The following LMNTD1 variants were observed in gnomAD, a reference collection of about 807,000 sequenced individuals.
LMNTD1 encodes the protein lamin tail domain-containing protein 1.
Under a neutral mutation model 50.9 loss-of-function variants are expected in LMNTD1, and 35 were observed. That is an observed-to-expected ratio of 0.69 (90% CI 0.53 to 0.91). The LOEUF (loss-of-function observed/expected upper bound fraction) is 0.91. Among genes scored for constraint, LMNTD1 ranks in the 40% least tolerant of loss-of-function variants. The probability of loss-of-function intolerance (pLI) is 0.00; values close to 1 mark genes in which losing one functional copy is unlikely to be tolerated. For missense variants in LMNTD1, 470 were observed against 475.5 expected (o/e 0.99, Z 0.11); for synonymous variants, 153 against 161.9 (o/e 0.94, Z 0.42).
intron 9 of LMNTD1, among the ~76,000 whole-genome samples, chr12:25,477,390 T>C (rs751758755): frequency 5.9e-5 from 9 of 151,396 alleles, no homozygotes; most frequent in Non-Finnish European, 1.3e-4. Flanking sequence ...CTAGTGGGGA[T>C]TGGTGGGGAT....
intron 1 of LMNTD1, among the ~76,000 whole-genome samples, chr12:25,615,425 A>G (rs1256060276): frequency 6.6e-6 from 1 of 152,156 alleles, no homozygotes; most frequent in African/African-American, 2.4e-5. Flanking sequence ...GAAGAGAGCC[A>G]TATAGCAGAA....
intron 1 of LMNTD1, among the ~76,000 whole-genome samples, chr12:25,570,766 G>T (rs1944756385): frequency 6.6e-6 from 1 of 152,298 alleles, no homozygotes. Flanking sequence ...GATACTAAAA[G>T]AAACTTTTGC....
intron 1 of LMNTD1, chr12:25,586,040 G>A (rs1346215883): frequency 6.6e-6 from 1 of 152,214 alleles, no homozygotes; most frequent in Admixed American, 6.5e-5. Context: ...AAAAGGCCCA[G>A]TGTTCTATGT....
chr12:25,563,613 G>T (rs1423285761), intron 1 of LMNTD1, among the ~76,000 whole-genome samples: 2 of 152,242 alleles, frequency 1.3e-5, no homozygotes, highest in African/African-American at 4.8e-5. Context: ...TGAGGAGGGA[G>T]TCTGTCCGTT....
intron 8 of LMNTD1, among the ~76,000 whole-genome samples, chr12:25,513,270 A>G (rs2135995450): frequency 6.6e-6 from 1 of 152,368 alleles, no homozygotes; most frequent in Middle Eastern, 3.4e-3. Context: ...CCAATGCAAT[A>G]ATGCAAGAAC....
At position 25,511,723 on chromosome 12, in the gene LMNTD1, A is replaced by C. The variant is rs1040986830; in HGVS notation, c.1189+7072T>G. Reference sequence around the variant, plus strand: ...TGCCTCGTCAGTATTTTCATAATACAGTTGAAACTCTAACATGGTGGTGTA... The same window carrying C: ...TGCCTCGTCAGTATTTTCATAATACCGTTGAAACTCTAACATGGTGGTGTA... On this transcript the variant is annotated intron_variant, in intron 8 of 9. Transcript: ENST00000458174. 1.2e-4 allele frequency among the ~76,000 whole-genome samples: 19 copies of C among 152,210 alleles called. No homozygotes were observed. In the East Asian group the frequency reaches 3.7e-3, roughly 29 times the overall value.
chr12:25,499,060 C>T (rs1939233867), intron 9 of LMNTD1, among the ~76,000 whole-genome samples: 1 of 152,108 alleles, frequency 6.6e-6, no homozygotes, highest in Non-Finnish European at 1.5e-5. Flanking sequence ...ACAGTAACAG[C>T]AGGAAAGAAA....
intron 1 of LMNTD1, among the ~76,000 whole-genome samples, chr12:25,636,784 T>C (rs1326401911): frequency 1.3e-5 from 2 of 152,162 alleles, no homozygotes; most frequent in African/African-American, 4.8e-5. Context: ...TATATATATA[T>C]GATGGAATAC....
intron 1 of LMNTD1, among the ~76,000 whole-genome samples, chr12:25,589,042 A>G (rs1017572882): frequency 2.6e-5 from 4 of 152,198 alleles, no homozygotes; most frequent in African/African-American, 9.6e-5. Flanking sequence ...AAACCGAATT[A>G]GAAAACAACT....
intron 1 of LMNTD1, among the ~76,000 whole-genome samples, chr12:25,575,785 C>T (rs1381724414): frequency 6.6e-6 from 1 of 152,064 alleles, no homozygotes. Context: ...GTGTGCTGCA[C>T]CCATTAACTC....
intron 1 of LMNTD1, among the ~76,000 whole-genome samples, chr12:25,569,354 C>T (rs1028574883): frequency 5.3e-5 from 8 of 152,206 alleles, no homozygotes; most frequent in African/African-American, 1.9e-4. Context: ...TACCCAATGC[C>T]TGTACCACCA....
intron 1 of LMNTD1, among the ~76,000 whole-genome samples, chr12:25,634,053 C>T (rs1312147643): frequency 6.6e-6 from 1 of 152,138 alleles, no homozygotes; most frequent in East Asian, 1.9e-4. Flanking sequence ...GCTATGAACA[C>T]CTTCATGCAC....
chr12:25,523,810 C>T (rs1941512450), intron 6 of LMNTD1, among the ~76,000 whole-genome samples: 1 of 138,156 alleles, frequency 7.2e-6, no homozygotes, highest in South Asian at 2.2e-4. Context: ...TGGGATGTGA[C>T]TCAGGTAAAA....
At chr12:25,603,848 C>T (rs998226762) in intron 1 of LMNTD1, among the ~76,000 whole-genome samples, 11 of 151,982 alleles carry the variant, frequency 7.2e-5, no homozygotes, top group Admixed American at 2.0e-4. Flanking sequence ...AAGTGACATA[C>T]GATTTGATCA....
At chr12:25,491,287 A>T (rs1469522817) in intron 9 of LMNTD1, among the ~76,000 whole-genome samples, 2 of 152,234 alleles carry the variant, frequency 1.3e-5, no homozygotes, top group African/African-American at 4.8e-5. Flanking sequence ...TGTATCTGAA[A>T]TGTGTTTCTT....
intron 1 of LMNTD1, among the ~76,000 whole-genome samples, chr12:25,583,874 C>A (rs1032579672): frequency 6.6e-6 from 1 of 152,142 alleles, no homozygotes; most frequent in Non-Finnish European, 1.5e-5. Flanking sequence ...AGCCAGGGAA[C>A]CTTGAGCCAA....
chr12:25,598,861 A>G (rs1040209071), intron 1 of LMNTD1, among the ~76,000 whole-genome samples: 1 of 152,090 alleles, frequency 6.6e-6, no homozygotes, highest in African/African-American at 2.4e-5. Context: ...CATAAAAAAA[A>G]TGTCTCCCAG....
chr12:25,566,613 A>C (rs1201513489), intron 1 of LMNTD1, among the ~76,000 whole-genome samples: 1 of 152,192 alleles, frequency 6.6e-6, no homozygotes. Flanking sequence ...CGCAAATATA[A>C]GACTGTGTTG....
rs186179077 is a variant in LMNTD1, at chr12:25,489,601, G to A, written c.*23-13141C>T. Among the ~76,000 whole-genome samples, 734 of 151,614 alleles carry A rather than the reference G, an allele frequency of 4.8e-3. 1 individual carries two copies. The highest frequency in any genetic ancestry group is 7.6e-3 in the Non-Finnish European group (514 of 67,942). On this transcript the variant is annotated intron_variant, in intron 9 of 9. Coordinates refer to ENST00000458174, the MANE Select transcript of LMNTD1 (RefSeq NM_001145728.2). Reference sequence around the variant, plus strand: ...ATCACCAGTCTTCTGCGTCGCTCACGCTGGGAGCTGTAGACCGGAGCTGTT... The same window carrying A: ...ATCACCAGTCTTCTGCGTCGCTCACACTGGGAGCTGTAGACCGGAGCTGTT...
Sources: allele counts gnomAD v4.1 joint callset (sites outside exome capture counted in the v4.1 genomes callset), GRCh38; gene constraint gnomAD v4.1.1; transcripts MANE v1.5; gene names NCBI Gene and HGNC (gene_info 2026-07-23, HGNC 2026-07-21).